ANO10: variants seen among roughly 807,000 people sequenced by gnomAD.
The protein encoded by ANO10 is anoctamin-10.
A neutral mutation model predicts 74.7 loss-of-function variants in ANO10; 77 were observed. The ratio of observed to expected loss-of-function variants is 1.03; its 90% confidence interval spans 0.86 to 1.25. ANO10 has a LOEUF of 1.25. Among genes scored for constraint, ANO10 ranks in the 50% most tolerant of loss-of-function variants. ANO10 has a pLI of 0.00. For synonymous variants in ANO10, 279 were observed against 284.9 expected (o/e 0.98, Z 0.21); for missense variants, 721 against 778.1 (o/e 0.93, Z 0.87).
intron 11 of ANO10, among the ~76,000 whole-genome samples, chr3:43,540,475 A>G (rs1329765242): frequency 6.6e-6 from 1 of 152,212 alleles, no homozygotes; most frequent in Non-Finnish European, 1.5e-5. Flanking sequence ...TCTTTATTCA[A>G]TCTGACAGCA....
chr3:43,501,084 TAAAGA>T (rs1197117796), intron 11 of ANO10, among the ~76,000 whole-genome samples: 2 of 152,196 alleles, frequency 1.3e-5, no homozygotes, highest in Admixed American at 1.3e-4. Context: ...GGGTAATCTA[TAAAGA>T]AAAGAGGTTT....
At chr3:43,466,717 A>T (rs1017845978) in intron 11 of ANO10, among the ~76,000 whole-genome samples, 10 of 152,200 alleles carry the variant, frequency 6.6e-5, no homozygotes, top group African/African-American at 2.4e-4. Context: ...TTCTGACAAG[A>T]CATAAAAAAG....
intron 3 of ANO10, among the ~76,000 whole-genome samples, chr3:43,599,735 C>T (rs2149479362): frequency 6.6e-6 from 1 of 152,022 alleles, no homozygotes; most frequent in South Asian, 2.1e-4. Context: ...GAAACCCCGT[C>T]TCTATTAAAA....
At chr3:43,646,468 T>C (rs2083727407) in intron 1 of ANO10, among the ~76,000 whole-genome samples, 1 of 152,208 alleles carries the variant, frequency 6.6e-6, no homozygotes. Flanking sequence ...AACAAATTTA[T>C]GGTGGAAGGA....
intron 1 of ANO10, among the ~76,000 whole-genome samples, chr3:43,617,454 A>G (rs2083168843): frequency 6.6e-6 from 1 of 152,108 alleles, no homozygotes; most frequent in South Asian, 2.1e-4. Context: ...GCGATCCCAA[A>G]TTGTGTTCTT....
intron 7 of ANO10, among the ~76,000 whole-genome samples, chr3:43,566,943 C>G (rs1295478132): frequency 6.6e-6 from 1 of 152,114 alleles, no homozygotes; most frequent in South Asian, 2.1e-4. Flanking sequence ...GAAAAAAATT[C>G]AGAAGAATCT....
intron 5 of ANO10, among the ~76,000 whole-genome samples, chr3:43,578,858 T>A (rs531411753): frequency 6.7e-6 from 1 of 149,792 alleles, no homozygotes; most frequent in Non-Finnish European, 1.5e-5. Flanking sequence ...CAAAACAAAG[T>A]TAAACAGTTG....
chr3:43,454,760 G>A (rs921862751), intron 11 of ANO10, among the ~76,000 whole-genome samples: 5 of 152,020 alleles, frequency 3.3e-5, no homozygotes, highest in Non-Finnish European at 5.9e-5. Context: ...GTGTCTTGGT[G>A]GACTAATGGT....
chr3:43,576,090 A>G (rs1364153299), intron 6 of ANO10, among the ~76,000 whole-genome samples: 1 of 152,226 alleles, frequency 6.6e-6, no homozygotes, highest in African/African-American at 2.4e-5. Context: ...TTTTTACCAC[A>G]GATACATCCA....
At chr3:43,369,881 A>G (rs923674749) in intron 12 of ANO10, among the ~76,000 whole-genome samples, 1 of 152,218 alleles carries the variant, frequency 6.6e-6, no homozygotes, top group Non-Finnish European at 1.5e-5. Context: ...TCAGTGGCTG[A>G]CATTCACACC....
intron 7 of ANO10, among the ~76,000 whole-genome samples, chr3:43,567,065 C>T (rs1363445614): frequency 6.6e-6 from 1 of 151,932 alleles, no homozygotes; most frequent in Non-Finnish European, 1.5e-5. Flanking sequence ...ATGCAATCAA[C>T]TGGAAGAAAG....
chr3:43,649,084 G>A (rs2083758597), intron 1 of ANO10, among the ~76,000 whole-genome samples: 1 of 152,098 alleles, frequency 6.6e-6, no homozygotes, highest in Admixed American at 6.6e-5. Flanking sequence ...TTAACTGTCT[G>A]GGAATGCAAC....
chr3:43,683,869 C>T (rs1575592476), intron 1 of ANO10, among the ~76,000 whole-genome samples: 1 of 152,160 alleles, frequency 6.6e-6, no homozygotes, highest in African/African-American at 2.4e-5. Flanking sequence ...GGAAAACTGG[C>T]TAGCCATATG....
intron 12 of ANO10, among the ~76,000 whole-genome samples, chr3:43,419,976 A>C (rs1423312035): frequency 2.6e-5 from 4 of 152,210 alleles, no homozygotes; most frequent in African/African-American, 9.6e-5. Context: ...TGTTTTCTAC[A>C]TTCTATTCTT....
intron 4 of ANO10, among the ~76,000 whole-genome samples, chr3:43,593,164 G>C (rs1303894140): frequency 6.6e-6 from 1 of 152,208 alleles, no homozygotes. Flanking sequence ...GGAGAGAATG[G>C]AAACAAGTTG....
intron 4 of ANO10, among the ~76,000 whole-genome samples, chr3:43,584,669 C>T (rs1191704679): frequency 1.3e-5 from 2 of 152,156 alleles, no homozygotes; most frequent in Non-Finnish European, 2.9e-5. Context: ...CCAAGCATAA[C>T]ATTTGGCATA....
At chr3:43,452,690 T>C (rs557991394) in intron 11 of ANO10, among the ~76,000 whole-genome samples, 1 of 152,366 alleles carries the variant, frequency 6.6e-6, no homozygotes, top group South Asian at 2.1e-4. Flanking sequence ...CTTGGGTATA[T>C]ACCTAGGAGT....
intron 11 of ANO10, among the ~76,000 whole-genome samples, chr3:43,459,719 T>C (rs1400402329): frequency 1.3e-5 from 2 of 152,128 alleles, no homozygotes; most frequent in Non-Finnish European, 2.9e-5. Flanking sequence ...GGGAAAGTGC[T>C]TTTTGGGCCT....
At chr3:43,589,592 C>A (rs1575493394) in intron 4 of ANO10, among the ~76,000 whole-genome samples, 1 of 152,004 alleles carries the variant, frequency 6.6e-6, no homozygotes, top group East Asian at 1.9e-4. Flanking sequence ...CCAGCCTGGG[C>A]AACAGAGCAA....
Sources: gnomAD v4.1 joint callset for allele counts (sites outside exome capture counted in the v4.1 genomes callset) on GRCh38, gnomAD v4.1.1 for gene constraint, MANE v1.5 for transcripts, NCBI Gene and HGNC (gene_info 2026-07-23, HGNC 2026-07-21) for gene names.